The following GPC3 variants were observed in gnomAD, a reference collection of about 807,000 sequenced individuals.
The protein encoded by GPC3 is glypican 3, also known as glypican-3.
Under a neutral mutation model 34.4 loss-of-function variants are expected in GPC3, and 3 were observed. That is an observed-to-expected ratio of 0.09 (90% CI 0.04 to 0.23). The LOEUF is 0.23. Ranked by LOEUF, GPC3 falls within the 10% of genes least tolerant of loss-of-function variation. GPC3 has a pLI of 1.00. For missense variants in GPC3, 351 were observed against 445.6 expected, an observed-to-expected ratio of 0.79 and a Z score of 1.91; for synonymous variants, 177 against 174.0, an observed-to-expected ratio of 1.02 and a Z score of -0.13.
intron 5 of GPC3, among the ~76,000 whole-genome samples, chrX:133,684,173 T>C (rs1164402279): frequency 1.8e-5 from 2 of 112,272 alleles, no homozygotes; most frequent in Admixed American, 9.5e-5. Context: ...CAGGCTAACA[T>C]AGCAGTTCCC....
At chrX:133,981,251 C>T (rs1181097081) in intron 1 of GPC3, among the ~76,000 whole-genome samples, 2 of 111,787 alleles carry the variant, frequency 1.8e-5, no homozygotes, top group Non-Finnish European at 3.8e-5. Context: ...TACAAGTTTC[C>T]TGGGAAGCCT....
chrX:133,769,359 G>A (rs1053351416), intron 2 of GPC3, among the ~76,000 whole-genome samples: 14 of 111,765 alleles, frequency 1.3e-4, no homozygotes, highest in East Asian at 1.1e-3. Flanking sequence ...TTAAAATTTC[G>A]CCAAGAGCAT....
chrX:133,864,283 C>A (rs147692767), intron 2 of GPC3, among the ~76,000 whole-genome samples: 2 of 111,459 alleles, frequency 1.8e-5, no homozygotes, highest in African/African-American at 6.5e-5. Flanking sequence ...CCAAACTGTG[C>A]GCACTTCACG....
At chrX:133,927,928 A>C (rs934198079) in intron 2 of GPC3, among the ~76,000 whole-genome samples, 3 of 108,800 alleles carry the variant, frequency 2.8e-5, no homozygotes, top group Non-Finnish European at 3.8e-5. Context: ...CCATCATCTC[A>C]CATACACATT....
At chrX:133,762,769 G>C in intron 2 of GPC3, 1 of 449,815 alleles carries the variant, frequency 2.2e-6, no homozygotes, top group East Asian at 4.3e-5. Context: ...CGGGATTCCT[G>C]TCCTAACTCA....
chrX:133,721,335 T>C (rs2071364441), intron 3 of GPC3, among the ~76,000 whole-genome samples: 1 of 108,284 alleles, frequency 9.2e-6, no homozygotes, highest in African/African-American at 3.3e-5. Context: ...AGGACACTAC[T>C]AGTAACTTCA....
chrX:133,859,987 C>T (rs764698133), intron 2 of GPC3, among the ~76,000 whole-genome samples: 7 of 110,643 alleles, frequency 6.3e-5, no homozygotes, highest in Non-Finnish European at 9.5e-5. Flanking sequence ...GTGCCACGCT[C>T]TTTTTAGCAA....
intron 2 of GPC3, among the ~76,000 whole-genome samples, chrX:133,793,385 T>A (rs2124512761): frequency 8.9e-6 from 1 of 112,224 alleles, no homozygotes; most frequent in South Asian, 3.7e-4. Context: ...AAACATTTAA[T>A]ATGAATTTTT....
At chrX:133,620,088 C>T (rs751565973) in intron 6 of GPC3, among the ~76,000 whole-genome samples, 13 of 107,662 alleles carry the variant, frequency 1.2e-4, no homozygotes, top group East Asian at 2.9e-4. Context: ...GGTGAGGTGG[C>T]GGGAACCTGT....
intron 5 of GPC3, among the ~76,000 whole-genome samples, chrX:133,686,130 G>A (rs1006135281): frequency 8.9e-6 from 1 of 111,872 alleles, no homozygotes; most frequent in Non-Finnish European, 1.9e-5. Flanking sequence ...CCCTATGGGA[G>A]GTGTGCTAAT....
intron 3 of GPC3, chrX:133,704,255 A>G: frequency 9.2e-7 from 1 of 1,090,278 alleles, no homozygotes; most frequent in Non-Finnish European, 1.2e-6. Flanking sequence ...TTGAAGTGCC[A>G]TATTTTCTTC....
chrX:133,626,921 T>C (rs1375657147), intron 6 of GPC3, among the ~76,000 whole-genome samples: 1 of 107,982 alleles, frequency 9.3e-6, no homozygotes, highest in Non-Finnish European at 1.9e-5. Flanking sequence ...AACCCAAATG[T>C]CCAACAATGA....
At chrX:133,546,411 C>A (rs2069387015) in intron 7 of GPC3, among the ~76,000 whole-genome samples, 1 of 107,099 alleles carries the variant, frequency 9.3e-6, no homozygotes, top group African/African-American at 3.4e-5. Context: ...AAAAAAAAAA[C>A]TTAAAAAAAA....
intron 2 of GPC3, among the ~76,000 whole-genome samples, chrX:133,921,759 T>C (rs893340581): frequency 8.9e-6 from 1 of 112,436 alleles, no homozygotes; most frequent in Non-Finnish European, 1.9e-5. Flanking sequence ...ATATGCTTTC[T>C]TTCTTCTTTT....
At chrX:133,607,157 A>G (rs1164421074) in intron 6 of GPC3, among the ~76,000 whole-genome samples, 2 of 110,885 alleles carry the variant, frequency 1.8e-5, no homozygotes, top group African/African-American at 6.6e-5. Context: ...CATTTTACAA[A>G]TGAGGAAATG....
At chrX:133,661,354 A>G (rs982375325) in intron 6 of GPC3, among the ~76,000 whole-genome samples, 1 of 111,621 alleles carries the variant, frequency 9.0e-6, no homozygotes, top group African/African-American at 3.3e-5. Flanking sequence ...AAATGAAAAC[A>G]GTTGGGATAA....
intron 5 of GPC3, among the ~76,000 whole-genome samples, chrX:133,677,577 G>GT (rs2070897166): frequency 8.9e-6 from 1 of 112,175 alleles, no homozygotes; most frequent in Non-Finnish European, 1.9e-5. Flanking sequence ...TAGGGCAAAG[G>GT]TTTTTTGTTT....
intron 2 of GPC3, among the ~76,000 whole-genome samples, chrX:133,796,372 T>G (rs1157140272): frequency 8.9e-6 from 1 of 112,464 alleles, no homozygotes; most frequent in South Asian, 3.7e-4. Flanking sequence ...CTACCATGTA[T>G]GACAAATCCC....
chrX:133,566,078 T>A (rs2069579138), intron 7 of GPC3, among the ~76,000 whole-genome samples: 1 of 112,501 alleles, frequency 8.9e-6, no homozygotes, highest in South Asian at 3.7e-4. Flanking sequence ...AGAGTGACTT[T>A]AATTTTTCTA....
Sources: allele counts gnomAD v4.1 joint callset (sites outside exome capture counted in the v4.1 genomes callset), GRCh38; gene constraint gnomAD v4.1.1; transcripts MANE v1.5; gene names NCBI Gene and HGNC (gene_info 2026-07-23, HGNC 2026-07-21).